FIBCD1: variants seen among roughly 807,000 people sequenced by gnomAD.
FIBCD1 encodes the protein fibrinogen C domain-containing protein 1.
A neutral mutation model predicts 45.1 loss-of-function variants in FIBCD1; 47 were observed. The ratio of observed to expected loss-of-function variants is 1.04; its 90% CI spans 0.82 to 1.33. FIBCD1 has a LOEUF of 1.33. Among genes scored for constraint, FIBCD1 ranks in the 40% most tolerant of loss-of-function variants. The probability of loss-of-function intolerance (pLI) is 0.00; values close to 1 mark genes in which losing one functional copy is unlikely to be tolerated. For synonymous variants in FIBCD1, 313 were observed against 308.1 expected (o/e 1.02, Z -0.17); for missense variants, 653 against 682.2 (o/e 0.96, Z 0.48).
chr9:130,902,606 G>T lies in FIBCD1; in HGVS notation c.*1458C>A, dbSNP rs11789517. The T allele has an allele frequency of 0.057, 8,640 of 152,336 alleles. 306 individuals are homozygous for T. Among genetic ancestry groups the T allele is most frequent in the Middle Eastern group, 0.16 (47 of 294 alleles). The allele number at this position is 152,336 out of a possible 1,614,324, so 9.4% of individuals were successfully genotyped here. A position where few individuals can be genotyped will look rare whatever the true frequency, so the allele number is the denominator to read the frequency against. The stretch of plus-strand genomic sequence containing the variant: ...ACACCCCCTAGGCACCTGCCATCGG[G>T]TGTCCTTTGGAGGAAGCCACCTCCC... On this transcript the variant is annotated 3_prime_UTR_variant, in exon 7 of 7. Coordinates refer to ENST00000372338, the MANE Select transcript of FIBCD1 (RefSeq NM_032843.5).
chr9:130,911,355 A>T (rs78656127), intron 5 of FIBCD1, among the ~76,000 whole-genome samples: 1 of 152,178 alleles, frequency 6.6e-6, no homozygotes, highest in East Asian at 1.9e-4. Context: ...AATTCTGGAC[A>T]CACTCAGCAC....
At chr9:130,909,319 C>G (rs540228626) in intron 5 of FIBCD1, among the ~76,000 whole-genome samples, 1 of 151,936 alleles carries the variant, frequency 6.6e-6, no homozygotes, top group Admixed American at 6.6e-5. Flanking sequence ...GATGTCCGCA[C>G]ACACCCGGGG....
At chr9:130,910,709 G>A (rs1832022181) in intron 5 of FIBCD1, among the ~76,000 whole-genome samples, 1 of 152,140 alleles carries the variant, frequency 6.6e-6, no homozygotes, top group East Asian at 1.9e-4. Flanking sequence ...GTCTAGCTCA[G>A]GGTTTGTGAG....
chr9:130,912,132 C>T (rs899140707), intron 4 of FIBCD1, among the ~76,000 whole-genome samples: 4 of 152,008 alleles, frequency 2.6e-5, no homozygotes, highest in African/African-American at 7.2e-5. Flanking sequence ...GCCCCCAAGA[C>T]GGCTCCTCAG....
Position 130,934,478 on chromosome 9 carries a change from A to G in FIBCD1, c.72+4058T>C, listed in dbSNP as rs1417947898. Among the ~76,000 whole-genome samples, 11 of 152,304 alleles carry G rather than the reference A, an allele frequency of 7.2e-5. No homozygotes were observed. In the South Asian group the frequency reaches 2.1e-3, roughly 29 times the overall value. ...GCGCAGGAGGGGCTGAAGGTGTCCA[A>G]GGGGACAAGAGCGCCCCACAGAGCT... On this transcript the variant is annotated intron_variant, in intron 1 of 6. Coordinates refer to ENST00000372338, the MANE Select transcript of FIBCD1 (RefSeq NM_032843.5).
intron 2 of FIBCD1, 25 bp from the exon 3 acceptor site, chr9:130,924,421 A>AG: frequency 1.3e-6 from 2 of 1,565,162 alleles, no homozygotes; most frequent in Admixed American, 1.8e-5. Context: ...GGGTGAGCCG[A>AG]GGGGGCAGGG....
intron 1 of FIBCD1, among the ~76,000 whole-genome samples, chr9:130,931,635 C>T (rs191395879): frequency 5.9e-5 from 9 of 152,380 alleles, no homozygotes; most frequent in African/African-American, 1.7e-4. Flanking sequence ...AGAGCGTGGC[C>T]GCACACGCTC....
At chr9:130,915,342 A>G (rs1832139563) in intron 4 of FIBCD1, among the ~76,000 whole-genome samples, 1 of 152,214 alleles carries the variant, frequency 6.6e-6, no homozygotes, top group Admixed American at 6.5e-5. Context: ...CTGCCCAAGG[A>G]AGGACACTGA....
In FIBCD1 at chr9:130,938,617, G is replaced by C. The variant is rs758517262; in HGVS notation, c.-10C>G. 9 of 1,436,156 alleles carry C rather than the reference G, an allele frequency of 6.3e-6. No homozygotes were observed. Among genetic ancestry groups the C allele is most frequent in the Admixed American group, 2.6e-5 (1 of 38,880 alleles). 89.0% of individuals were successfully genotyped at this position (1,436,156 alleles called of 1,614,324 possible). On this transcript the variant is annotated 5_prime_UTR_variant, in exon 1 of 7. Coordinates refer to ENST00000372338, the MANE Select transcript of FIBCD1 (RefSeq NM_032843.5). ...ACCGGTCGTTGACCATCTTCCGGCAGGACTGGCGGGGGCGCCGGGCGAGGC... is the reference window on the plus strand; with the variant it reads ...ACCGGTCGTTGACCATCTTCCGGCACGACTGGCGGGGGCGCCGGGCGAGGC...
chr9:130,917,836 C>T (rs1049630613), intron 4 of FIBCD1, among the ~76,000 whole-genome samples: 1 of 152,130 alleles, frequency 6.6e-6, no homozygotes, highest in African/African-American at 2.4e-5. Context: ...CCCAGGTGCG[C>T]AGGGCTGAGA....
chr9:130,908,294 A>C (rs1323594419), intron 5 of FIBCD1, among the ~76,000 whole-genome samples: 1 of 152,214 alleles, frequency 6.6e-6, no homozygotes, highest in East Asian at 1.9e-4. Context: ...GCTCGTCTGC[A>C]GGATGCTGGA....
At chr9:130,912,610 G>A (rs1450179191) in intron 4 of FIBCD1, among the ~76,000 whole-genome samples, 1 of 151,976 alleles carries the variant, frequency 6.6e-6, no homozygotes, top group African/African-American at 2.4e-5. Flanking sequence ...GGGAGGCTGA[G>A]GCAGGAGAAT....
At chr9:130,924,804 G>A (rs1416571723) in intron 2 of FIBCD1, among the ~76,000 whole-genome samples, 1 of 152,306 alleles carries the variant, frequency 6.6e-6, no homozygotes, top group Non-Finnish European at 1.5e-5. Flanking sequence ...TCCACTTGCC[G>A]GTTATATGAC....
intron 5 of FIBCD1, among the ~76,000 whole-genome samples, chr9:130,908,241 G>A (rs1831970567): frequency 1.3e-5 from 2 of 152,332 alleles, no homozygotes; most frequent in South Asian, 4.1e-4. Context: ...GGGGAGGGTG[G>A]TGCGGCAGAG....
rs562398585 is a variant in FIBCD1, at chr9:130,929,981, A to G, written c.138T>C (p.Ala46=). The G allele has an allele frequency of 3.7e-4, 564 of 1,544,934 alleles. 4 individuals carry two copies. The Middle Eastern group carries it at 4.1e-3, about 11-fold the overall frequency. The part of the protein sequence containing the change: ...LLALAVLLAV[A]VTGAVLFLNH... ...TCAGGAAGAGCACGGCACCGGTGAC[A>G]GCTACAGCCAGCAGCACAGCCAGGG... Residue 46 remains alanine (A), a synonymous_variant, in exon 2 of 7, where the codon GCT becomes GCC. Transcript: ENST00000372338.
chr9:130,911,265 C>T (rs6597649), intron 5 of FIBCD1, among the ~76,000 whole-genome samples: 80,925 of 151,960 alleles, frequency 0.53, 23,677 homozygotes, highest in African/African-American at 0.78. Flanking sequence ...AAACTCCAGG[C>T]GCGCTACCTT....
chr9:130,931,641 C>T (rs1208632014), intron 1 of FIBCD1, among the ~76,000 whole-genome samples: 1 of 152,268 alleles, frequency 6.6e-6, no homozygotes, highest in African/African-American at 2.4e-5. Flanking sequence ...TGGCCGCACA[C>T]GCTCTCGGAG....
At chr9:130,923,667 G>A (rs569469880) in intron 4 of FIBCD1, 77 bp downstream of exon 4, 67 of 1,559,002 alleles carry the variant, frequency 4.3e-5, no homozygotes, top group Admixed American at 2.1e-4. Context: ...GAAGCTGCTC[G>A]GAATGCCCGG....
At chr9:130,904,874 T>C (rs1031020521) in intron 6 of FIBCD1, among the ~76,000 whole-genome samples, 1 of 152,172 alleles carries the variant, frequency 6.6e-6, no homozygotes, top group African/African-American at 2.4e-5. Flanking sequence ...ATCAACACTA[T>C]TATGAAAAAA....
Sources: gnomAD v4.1 joint callset for allele counts (sites outside exome capture counted in the v4.1 genomes callset) on GRCh38, gnomAD v4.1.1 for gene constraint, MANE v1.5 for transcripts, NCBI Gene and HGNC (gene_info 2026-07-23, HGNC 2026-07-21) for gene names.